CCDC125: variants seen among roughly 807,000 people sequenced by gnomAD.
CCDC125 encodes coiled-coil domain containing 125.
A neutral mutation model predicts 57.4 loss-of-function variants in CCDC125; 43 were observed. The ratio of observed to expected loss-of-function variants is 0.75; its 90% CI spans 0.59 to 0.97. The LOEUF (loss-of-function observed/expected upper bound fraction) is 0.97. Among genes scored for constraint, CCDC125 ranks in the 50% least tolerant of loss-of-function variants. CCDC125 has a pLI of 0.00. For missense variants in CCDC125, 563 were observed against 595.7 expected (o/e 0.95, Z 0.57); for synonymous variants, 187 against 195.2 (o/e 0.96, Z 0.35).
chr5:69,277,361 G>A (rs974073966), downstream of CCDC125: 3 of 395,382 alleles, frequency 7.6e-6, no homozygotes, highest in Non-Finnish European at 1.4e-5. Flanking sequence ...CAATACTCTT[G>A]AAATGTAGAA....
intron 9 of CCDC125, chr5:69,294,069 G>T (rs1754933979): frequency 1.2e-6 from 1 of 829,390 alleles, no homozygotes; most frequent in Non-Finnish European, 1.5e-6. Context: ...GCAAACCTAG[G>T]TCTGGCTGGG....
At chr5:69,284,191 A>G (rs1480093219) in intron 11 of CCDC125, among the ~76,000 whole-genome samples, 1 of 152,156 alleles carries the variant, frequency 6.6e-6, no homozygotes, top group Non-Finnish European at 1.5e-5. Context: ...ATAGATCTAT[A>G]TGAAGTGTGT....
At chr5:69,326,478 T>G (rs1760746435) in intron 1 of CCDC125, among the ~76,000 whole-genome samples, 1 of 152,160 alleles carries the variant, frequency 6.6e-6, no homozygotes, top group Admixed American at 6.6e-5. Flanking sequence ...TTACCTCTAG[T>G]GCAGTAGACT....
intron 1 of CCDC125, among the ~76,000 whole-genome samples, chr5:69,331,515 C>T (rs536974707): frequency 4.6e-5 from 7 of 152,120 alleles, no homozygotes; most frequent in Admixed American, 3.9e-4. Context: ...CAGGCGTGAG[C>T]CACTGCGCCC....
the CCDC125 span, among the ~76,000 whole-genome samples, chr5:69,274,896 A>C: frequency 6.6e-6 from 1 of 152,122 alleles, no homozygotes; most frequent in South Asian, 2.1e-4. Flanking sequence ...GATTACAGGC[A>C]TGAGCCACCC....
In CCDC125 at chr5:69,282,844, C is replaced by T. The variant is rs1032003618; in HGVS notation, c.1421G>A (p.Ser474Asn). 5 of 1,614,056 alleles carry T rather than the reference C, an allele frequency of 3.1e-6. No homozygotes were observed. Among genetic ancestry groups the T allele is most frequent in the Non-Finnish European group, 4.2e-6 (5 of 1,179,974 alleles). ...FSVLGDPIHS[S>N]VCILNSVGCI... ...GCCCACAGAATTTAAAATGCAGACA[C>T]TTGAATGTATAGGATCACCCAAAAC... The change falls in exon 12 of 12, where the codon AGT becomes AAT. Residue 474 changes from serine (S) to asparagine (N), a missense_variant. Physicochemically the swap from Ser to Asn is conservative, Grantham distance 46. Transcript: ENST00000396496.
At chr5:69,320,173 G>A in intron 2 of CCDC125, 64 bp downstream of exon 2, 1 of 1,333,134 alleles carries the variant, frequency 7.5e-7, no homozygotes, top group Non-Finnish European at 1.0e-6. Context: ...TTAGATTTTG[G>A]AAGGGTTATA....
At chr5:69,303,074 CAGTGGCACAAT>C (rs903095344) in intron 7 of CCDC125, among the ~76,000 whole-genome samples, 7 of 152,144 alleles carry the variant, frequency 4.6e-5, no homozygotes, top group African/African-American at 1.4e-4. Flanking sequence ...AGCTGCAGTG[CAGTGGCACAAT>C]CATGGCTCAC....
At position 69,285,349 on chromosome 5, in the gene CCDC125, C is replaced by T; in HGVS notation, c.1218G>A (p.Met406Ile). 1.2e-6 allele frequency: 2 copies of T among 1,609,328 alleles called. No individual in the cohort carries two copies. Among genetic ancestry groups the T allele is most frequent in the South Asian group, 2.2e-5 (2 of 90,100 alleles). Residue 406 changes from methionine (M) to isoleucine (I), a missense_variant, in exon 11 of 12, where the codon ATG becomes ATA. Physicochemically the swap from Met to Ile is conservative, Grantham distance 10. Coordinates refer to ENST00000396496, the MANE Select transcript of CCDC125 (RefSeq NM_176816.5). ...DQDSPQEVLKMLIDLLNDKEE... is the reference protein window; with the variant it reads ...DQDSPQEVLKILIDLLNDKEE... ...CAAAGACACTAACCAAATCTATGAGCATCTTAAGGACCTCTTGAGGACTGT... is the reference window on the plus strand; with the variant it reads ...CAAAGACACTAACCAAATCTATGAGTATCTTAAGGACCTCTTGAGGACTGT...
At position 69,301,892 on chromosome 5, in the gene CCDC125, G is replaced by C. The variant is rs1294693017; in HGVS notation, c.701-1765C>G. 4.9e-5 allele frequency among the ~76,000 whole-genome samples: 7 copies of C among 141,852 alleles called. No individual in the cohort carries two copies. In the East Asian group the frequency reaches 1.5e-3, roughly 31 times the overall value. 93.1% of individuals were successfully genotyped at this position (141,852 alleles called of 152,430 possible). On this transcript the variant is annotated intron_variant, in intron 7 of 11. Transcript: ENST00000396496. ...AGCCTGGGCGACAGAGTGAGATTCT[G>C]TCTCAAAATAATAATAATAATAATA... is the stretch of plus-strand genomic sequence containing the variant.
downstream of CCDC125, among the ~76,000 whole-genome samples, chr5:69,277,878 T>TC (rs1381333606): frequency 6.6e-6 from 1 of 152,032 alleles, no homozygotes; most frequent in African/African-American, 2.4e-5. Context: ...AAATTGAGAT[T>TC]CCCCCCAACC....
At chr5:69,331,151 A>G (rs1361601482) in intron 1 of CCDC125, among the ~76,000 whole-genome samples, 1 of 151,930 alleles carries the variant, frequency 6.6e-6, no homozygotes, top group Non-Finnish European at 1.5e-5. Context: ...AAAAATACAA[A>G]AATTAGCCAG....
chr5:69,298,164 C>T lies in CCDC125; in HGVS notation c.816+1848G>A, dbSNP rs983272249. Reference sequence around the variant, plus strand: ...CCGAGTAGCTGGGATTACAGGCATACGCCACTACGCCCAGCTAATTTTTGT... The same window carrying T: ...CCGAGTAGCTGGGATTACAGGCATATGCCACTACGCCCAGCTAATTTTTGT... On this transcript the variant is annotated intron_variant, in intron 8 of 11. Coordinates refer to ENST00000396496, the MANE Select transcript of CCDC125 (RefSeq NM_176816.5). Among the ~76,000 whole-genome samples the T allele has an allele frequency of 1.1e-4, 16 of 151,732 alleles. No homozygotes were observed. The East Asian group carries it at 1.8e-3, about 17-fold the overall frequency.
At position 69,282,746 on chromosome 5, in the gene CCDC125, A is replaced by C. The variant is rs748768744; in HGVS notation, c.1519T>G (p.Ser507Ala). 1 of 1,591,532 alleles carries C rather than the reference A, an allele frequency of 6.3e-7. No homozygotes were observed. The highest frequency in any genetic ancestry group is 8.5e-7 in the Non-Finnish European group (1 of 1,170,638). ...GCTTGTCTTTAAAATATGATACTTGATGGCAAAGAATGGGATCTTTTAAGA... is the reference window on the plus strand; with the variant it reads ...GCTTGTCTTTAAAATATGATACTTGCTGGCAAAGAATGGGATCTTTTAAGA... ...RTLKRSHSLP[S>A]SIIF Residue 507 changes from serine (S) to alanine (A), a missense_variant, in exon 12 of 12, where the codon TCA becomes GCA. Transcript: ENST00000396496.
At chr5:69,293,400 C>T (rs1754796312) in intron 9 of CCDC125, among the ~76,000 whole-genome samples, 1 of 151,928 alleles carries the variant, frequency 6.6e-6, no homozygotes, top group African/African-American at 2.4e-5. Flanking sequence ...GCCTGTAATC[C>T]CAGCACTTTG....
chr5:69,297,933 A>G (rs889553296), intron 8 of CCDC125, among the ~76,000 whole-genome samples: 3 of 151,746 alleles, frequency 2.0e-5, no homozygotes, highest in African/African-American at 7.3e-5. Context: ...TGATTGTGCC[A>G]CTGTACTCCA....
At chr5:69,298,680 G>C (rs1580058893) in intron 8 of CCDC125, among the ~76,000 whole-genome samples, 1 of 152,136 alleles carries the variant, frequency 6.6e-6, no homozygotes, top group African/African-American at 2.4e-5. Context: ...CAGCTGTGTC[G>C]GGGCCCTTGT....
At chr5:69,283,350 G>T (rs1752735579) in intron 11 of CCDC125, among the ~76,000 whole-genome samples, 1 of 151,072 alleles carries the variant, frequency 6.6e-6, no homozygotes, top group Non-Finnish European at 1.5e-5. Context: ...CTCCCAAGTA[G>T]CTGGGACCAC....
At chr5:69,298,205 G>A (rs539965096) in intron 8 of CCDC125, among the ~76,000 whole-genome samples, 17 of 151,970 alleles carry the variant, frequency 1.1e-4, no homozygotes, top group Admixed American at 7.2e-4. Context: ...TAATAGAGAC[G>A]GGGTTTCATC....
Sources: allele counts gnomAD v4.1 joint callset (sites outside exome capture counted in the v4.1 genomes callset), GRCh38; gene constraint gnomAD v4.1.1; transcripts MANE v1.5; gene names NCBI Gene and HGNC (gene_info 2026-07-23, HGNC 2026-07-21).